TMEM108: variants seen among roughly 807,000 people sequenced by gnomAD.
The protein encoded by TMEM108 is transmembrane protein 108, also known as cancer/testis antigen 124.
In TMEM108, 12 loss-of-function variants were observed where a neutral mutation model predicts 35.1. The observed-to-expected ratio is 0.34, with a 90% CI of 0.22 to 0.55. TMEM108 has a LOEUF of 0.55. Among genes scored for constraint, TMEM108 ranks in the 20% least tolerant of loss-of-function variants. The pLI is 0.89. For missense variants in TMEM108, 680 were observed against 753.3 expected, an observed-to-expected ratio of 0.90 and a Z score of 1.14; for synonymous variants, 287 against 308.6, an observed-to-expected ratio of 0.93 and a Z score of 0.73.
At chr3:133,056,855 A>G (rs989309407) in intron 2 of TMEM108, among the ~76,000 whole-genome samples, 9 of 152,202 alleles carry the variant, frequency 5.9e-5, no homozygotes, top group East Asian at 1.9e-4. Context: ...TTTTCTCAGC[A>G]TTTGTTTCCT....
intron 3 of TMEM108, among the ~76,000 whole-genome samples, chr3:133,294,772 T>C (rs970341402): frequency 7.9e-5 from 12 of 152,226 alleles, no homozygotes. Context: ...CCTTTAATAA[T>C]GTTGGCTGAT....
intron 2 of TMEM108, among the ~76,000 whole-genome samples, chr3:133,221,573 G>A (rs1345476717): frequency 6.6e-6 from 1 of 150,870 alleles, no homozygotes; most frequent in Non-Finnish European, 1.5e-5. Flanking sequence ...TTGTTTTGTA[G>A]ATCCTTTGAT....
chr3:133,142,821 C>G (rs942332617), intron 2 of TMEM108, among the ~76,000 whole-genome samples: 3 of 152,268 alleles, frequency 2.0e-5, no homozygotes, highest in Non-Finnish European at 4.4e-5. Flanking sequence ...AAACAGTGTT[C>G]TAAATGCTTT....
intron 2 of TMEM108, among the ~76,000 whole-genome samples, chr3:133,158,593 A>G (rs1204953349): frequency 6.6e-6 from 1 of 152,144 alleles, no homozygotes; most frequent in Non-Finnish European, 1.5e-5. Flanking sequence ...AAAATGCCAG[A>G]GTCAAAGAGA....
chr3:133,156,964 T>C (rs1194554454), intron 2 of TMEM108, among the ~76,000 whole-genome samples: 1 of 152,198 alleles, frequency 6.6e-6, no homozygotes, highest in African/African-American at 2.4e-5. Flanking sequence ...AGCTACCTGA[T>C]GTTAAGTATA....
At chr3:133,139,151 C>A (rs925705332) in intron 2 of TMEM108, among the ~76,000 whole-genome samples, 3 of 152,150 alleles carry the variant, frequency 2.0e-5, no homozygotes, top group African/African-American at 7.2e-5. Flanking sequence ...TTTTCTTTAT[C>A]CAGTCTATCA....
intron 2 of TMEM108, 53 bp from the exon 3 acceptor site, chr3:133,229,213 A>G: frequency 4.0e-6 from 5 of 1,237,942 alleles, no homozygotes; most frequent in Non-Finnish European, 5.7e-6. Context: ...GTTATTTCTG[A>G]TTTTTAAATT....
At chr3:133,235,798 A>G (rs1000643685) in intron 3 of TMEM108, among the ~76,000 whole-genome samples, 1 of 152,162 alleles carries the variant, frequency 6.6e-6, no homozygotes, top group South Asian at 2.1e-4. Flanking sequence ...CAAGTGGGGC[A>G]TTATTATTGA....
Position 133,327,621 on chromosome 3 carries a change from A to G in TMEM108, c.41-52131A>G, listed in dbSNP as rs145850357. Among the ~76,000 whole-genome samples the G allele has an allele frequency of 6.7e-3, 1,023 of 152,216 alleles. 17 individuals are homozygous for G. The highest frequency in any genetic ancestry group is 0.023 in the African/African-American group (962 of 41,534). On this transcript the variant is annotated intron_variant, in intron 3 of 5. Coordinates refer to ENST00000321871, the MANE Select transcript of TMEM108 (RefSeq NM_023943.4). ...CACCTCAGACTGGTGTCAAGGTCAG[A>G]ATGGATGTGCAGTTAACATCTTCTT...
At chr3:133,118,758 C>T (rs557804410) in intron 2 of TMEM108, among the ~76,000 whole-genome samples, 57 of 152,214 alleles carry the variant, frequency 3.7e-4, no homozygotes, top group African/African-American at 1.2e-3. Flanking sequence ...ACCCAGGGCT[C>T]GGCTTCCCAC....
chr3:133,226,261 C>G (rs922511464), intron 2 of TMEM108, among the ~76,000 whole-genome samples: 1 of 152,084 alleles, frequency 6.6e-6, no homozygotes, highest in Admixed American at 6.6e-5. Flanking sequence ...GTTTCCTGTT[C>G]AGTCATTTAA....
At chr3:133,309,041 C>G (rs543856548) in intron 3 of TMEM108, among the ~76,000 whole-genome samples, 214 of 152,216 alleles carry the variant, frequency 1.4e-3, no homozygotes, top group African/African-American at 4.8e-3. Flanking sequence ...ATTTCAGAGC[C>G]TATTATTGGT....
chr3:133,370,871 A>AGTGTGTGTGTGTGTGTGT lies in TMEM108; in HGVS notation c.41-8847_41-8830dup, dbSNP rs71624013. ...TATTCCGTCTGTTTCCCCAGCCCAT[A>AGTGTGTGTGTGTGTGTGT]GTGTGTGTGTGTGTGTGTGTGTGTG... is the stretch of plus-strand genomic sequence containing the variant. On this transcript the variant is annotated intron_variant, in intron 3 of 5. Coordinates refer to ENST00000321871, the MANE Select transcript of TMEM108 (RefSeq NM_023943.4). Among the ~76,000 whole-genome samples the AGTGTGTGTGTGTGTGTGT allele has an allele frequency of 6.2e-3, 777 of 125,518 alleles. 16 individuals are homozygous for AGTGTGTGTGTGTGTGTGT. Among genetic ancestry groups the AGTGTGTGTGTGTGTGTGT allele is most frequent in the Admixed American group, 0.016 (192 of 11,986 alleles). 82.3% of individuals were successfully genotyped at this position (125,518 alleles called of 152,430 possible).
chr3:133,082,950 G>A (rs1045834234), intron 2 of TMEM108, among the ~76,000 whole-genome samples: 4 of 152,040 alleles, frequency 2.6e-5, no homozygotes, highest in African/African-American at 9.7e-5. Flanking sequence ...CACCATACTT[G>A]GCCTGTAAAC....
rs751636485 is a variant in TMEM108, at chr3:133,390,376, G to T, written c.1605+42G>T. On this transcript the variant is annotated intron_variant, in intron 5 of 5. Transcript: ENST00000321871. ...TGCTGGCCCCACTGCAGGGAAACCA[G>T]GTCCAAAGAGAGCCATGGGGCATCT... 12 of 1,607,348 alleles carry T rather than the reference G, an allele frequency of 7.5e-6. No individual in the cohort carries two copies. The African/African-American group carries it at 1.5e-4, about 20-fold the overall frequency.
intron 3 of TMEM108, among the ~76,000 whole-genome samples, chr3:133,256,771 A>G (rs1946553128): frequency 6.6e-6 from 1 of 152,232 alleles, no homozygotes; most frequent in South Asian, 2.1e-4. Flanking sequence ...AGAAATCTGG[A>G]TAAGTAGGAC....
intron 3 of TMEM108, among the ~76,000 whole-genome samples, chr3:133,357,077 T>TAAATC (rs1312481039): frequency 1.3e-5 from 2 of 152,114 alleles, no homozygotes; most frequent in African/African-American, 4.8e-5. Flanking sequence ...ACAAGGAACT[T>TAAATC]AAATCAGCAA....
chr3:133,329,380 C>T (rs2071366947), intron 3 of TMEM108, among the ~76,000 whole-genome samples: 1 of 152,156 alleles, frequency 6.6e-6, no homozygotes, highest in South Asian at 2.1e-4. Flanking sequence ...ATGCAGGTGA[C>T]ACATTACTGC....
Position 133,342,544 on chromosome 3 carries a change from G to GTGTATATATATATATATATA in TMEM108, c.41-37207_41-37206insGTATATATATATATATATAT, listed in dbSNP as rs1437254898. ...TAAAAAAGTTAAAAAAGAAAATGTG[G>GTGTATATATATATATATATA]TATATATATATACACACACACACAC... is the stretch of plus-strand genomic sequence containing the variant. On this transcript the variant is annotated intron_variant, in intron 3 of 5. Coordinates refer to ENST00000321871, the MANE Select transcript of TMEM108 (RefSeq NM_023943.4). 2.5e-3 allele frequency among the ~76,000 whole-genome samples: 117 copies of GTGTATATATATATATATATA among 46,646 alleles called. 18 individuals carry two copies. Among genetic ancestry groups the GTGTATATATATATATATATA allele is most frequent in the East Asian group, 0.011 (29 of 2,594 alleles). The allele number at this position is 46,646 out of a possible 152,430, so 30.6% of individuals were successfully genotyped here.
Sources: allele counts gnomAD v4.1 joint callset (sites outside exome capture counted in the v4.1 genomes callset), GRCh38; gene constraint gnomAD v4.1.1; transcripts MANE v1.5; gene names NCBI Gene and HGNC (gene_info 2026-07-23, HGNC 2026-07-21).